The following OPRL1 variants were observed in gnomAD, a reference collection of about 807,000 sequenced individuals.
The protein encoded by OPRL1 is opioid related nociceptin receptor 1.
A neutral mutation model predicts 15.5 loss-of-function variants in OPRL1; 5 were observed. The ratio of observed to expected loss-of-function variants is 0.32; its 90% CI spans 0.17 to 0.68. The LOEUF (loss-of-function observed/expected upper bound fraction) is 0.68, where lower values mean the gene tolerates loss of function less well. OPRL1 is among the 30% of genes least tolerant of loss of function. The probability of loss-of-function intolerance (pLI) is 0.72; values close to 1 mark genes in which losing one functional copy is unlikely to be tolerated. For synonymous variants in OPRL1, 223 were observed against 230.2 expected, an observed-to-expected ratio of 0.97 and a Z score of 0.28; for missense variants, 406 against 515.3, an observed-to-expected ratio of 0.79 and a Z score of 2.05.
rs1359900501 is a variant in OPRL1 at position 64,083,832 on chromosome 20, A to G, written c.-185+3480A>G. On this transcript the variant is annotated intron_variant, in intron 1 of 4. Coordinates refer to ENST00000336866, the MANE Select transcript of OPRL1 (RefSeq NM_182647.4). This position sits in a 1 kb window ranked among gnomAD's most constrained non-coding sequence, Gnocchi z 4.9. ...CCTCGCCTCACCCGCATGCGGGTGT[A>G]GCGCAGCCGCAGGGCGCGGACTCGC... 24 of 1,386,012 alleles carry G rather than the reference A, an allele frequency of 1.7e-5. No individual in the cohort carries two copies. The highest frequency in any genetic ancestry group is 2.2e-5 in the Non-Finnish European group (24 of 1,076,854). 85.9% of individuals were successfully genotyped at this position (1,386,012 alleles called of 1,614,324 possible).
chr20:64,098,166 G>C lies in OPRL1; in HGVS notation c.589+9G>C. 1 of 1,610,646 alleles carries C rather than the reference G, an allele frequency of 6.2e-7. No homozygotes were observed. Among genetic ancestry groups the C allele is most frequent in the Non-Finnish European group, 8.5e-7 (1 of 1,177,988 alleles). ...ACAGGTCGAGGATGAAGGTCAGTGG[G>C]GTGTCCCCTCCTCCCCTCACCAGGC... On this transcript the variant is annotated intron_variant, in intron 4 of 4. Transcript: ENST00000336866.
In OPRL1 at chr20:64,083,358, CAA is replaced by C. The variant is rs2059989707; in HGVS notation, c.-185+3010_-185+3011del. ...CCCTCGGGGTCCTGGGGAGTGGCAG[CAA>C]AAAGACCAGCGAGCCTTCGGAGAAT... is the stretch of plus-strand genomic sequence containing the variant. On this transcript the variant is annotated intron_variant, in intron 1 of 4. Transcript: ENST00000336866. The surrounding 1 kb of genome is among the most constrained non-coding windows in gnomAD (Gnocchi z 4.9). 6.2e-7 allele frequency: 1 copy of C among 1,602,278 alleles called. No homozygotes were observed. Among genetic ancestry groups the C allele is most frequent in the East Asian group, 2.3e-5 (1 of 44,026 alleles).
At chr20:64,095,610 G>C (rs938977290) in intron 3 of OPRL1, among the ~76,000 whole-genome samples, 3 of 151,614 alleles carry the variant, frequency 2.0e-5, no homozygotes, top group Non-Finnish European at 4.4e-5. Context: ...GCAGTGGGGG[G>C]TTATGGGTGG....
rs1431749407 is a variant in OPRL1 at position 64,098,670 on chromosome 20, C to T, written c.984C>T (p.Ala328=). ...LYAFLDENFK[A]CFRKFCCASA... ...CCTTCCTGGATGAGAACTTCAAGGC[C>T]TGCTTCCGCAAGTTCTGCTGTGCAT... Residue 328 remains alanine, a synonymous_variant, in exon 5 of 5, where the codon GCC becomes GCT. Transcript: ENST00000336866. 1 of 1,612,814 alleles carries T rather than the reference C, an allele frequency of 6.2e-7. No homozygotes were observed. Among genetic ancestry groups the T allele is most frequent in the Non-Finnish European group, 8.5e-7 (1 of 1,179,990 alleles).
Position 64,090,115 on chromosome 20 carries a change from T to G in OPRL1, c.-184-1851T>G, listed in dbSNP as rs917065526. Among the ~76,000 whole-genome samples the G allele has an allele frequency of 1.3e-5, 2 of 152,204 alleles. No homozygotes were observed. The highest frequency in any genetic ancestry group is 2.9e-5 in the Non-Finnish European group (2 of 68,034). On this transcript the variant is annotated intron_variant, in intron 1 of 4. Coordinates refer to ENST00000336866, the MANE Select transcript of OPRL1 (RefSeq NM_182647.4). This position sits in a 1 kb window ranked among gnomAD's most constrained non-coding sequence, Gnocchi z 4.9. ...CTCTAGGTCTACCCATGTGCCTGCG[T>G]GCACGTTGGCGTCATCTTGCATGTG...
At chr20:64,088,712 A>AAG (rs2060083987) in intron 1 of OPRL1, among the ~76,000 whole-genome samples, 2 of 119,836 alleles carry the variant, frequency 1.7e-5, no homozygotes, top group African/African-American at 6.6e-5. Flanking sequence ...GGGTCTGTGC[A>AAG]GAGTGGCCAG....
chr20:64,082,663 G>T (rs965768307), intron 1 of OPRL1, among the ~76,000 whole-genome samples: 1 of 152,222 alleles, frequency 6.6e-6, no homozygotes, highest in African/African-American at 2.4e-5. Context: ...CGTCTGCAAA[G>T]AGCTCACGTC....
chr20:64,080,824 C>G (rs1335641040), intron 1 of OPRL1, among the ~76,000 whole-genome samples: 1 of 152,198 alleles, frequency 6.6e-6, no homozygotes, highest in Non-Finnish European at 1.5e-5. Flanking sequence ...CCGGATAGTT[C>G]CCAGTGTCGG....
Position 64,100,214 on chromosome 20 carries a change from G to A in OPRL1, c.*1415G>A, listed in dbSNP as rs1180732089. On this transcript the variant is annotated 3_prime_UTR_variant, in exon 5 of 5. Transcript: ENST00000336866. ...GCTGCAGGTTGGTGACTTTGCAAAT[G>A]CACTTCCTACAGATGAACTATTAAA... 1 of 152,204 alleles carries A rather than the reference G, an allele frequency of 6.6e-6. No individual in the cohort carries two copies. Among genetic ancestry groups the A allele is most frequent in the African/African-American group, 2.4e-5 (1 of 41,446 alleles). The allele number at this position is 152,204 out of a possible 1,614,324, so 9.4% of individuals were successfully genotyped here. A position where few individuals can be genotyped will look rare whatever the true frequency, so the allele number is the denominator to read the frequency against.
rs2059989206 is a variant in OPRL1, at chr20:64,083,314, G to A, written c.-185+2962G>A. 1.4e-6 allele frequency: 2 copies of A among 1,425,054 alleles called. No homozygotes were observed. The highest frequency in any genetic ancestry group is 1.2e-5 in the South Asian group (1 of 81,192). The allele number at this position is 1,425,054 out of a possible 1,614,324, so 88.3% of individuals were successfully genotyped here. A position where few individuals can be genotyped will look rare whatever the true frequency, so the allele number is the denominator to read the frequency against. ...GTCTGTGAGGTGCATGGGAGAGGCA[G>A]CGTCCATACTCCCCGCTTCCCTCGG... On this transcript the variant is annotated intron_variant, in intron 1 of 4. Coordinates refer to ENST00000336866, the MANE Select transcript of OPRL1 (RefSeq NM_182647.4). This position sits in a 1 kb window ranked among gnomAD's most constrained non-coding sequence, Gnocchi z 4.9.
At chr20:64,082,277 A>C in intron 1 of OPRL1, among the ~76,000 whole-genome samples, 1 of 151,372 alleles carries the variant, frequency 6.6e-6, no homozygotes, top group Non-Finnish European at 1.5e-5. Context: ...CCTTCCTGAA[A>C]CCCCTCCTGC....
chr20:64,082,620 G>A (rs942649555), intron 1 of OPRL1, among the ~76,000 whole-genome samples: 1 of 152,198 alleles, frequency 6.6e-6, no homozygotes, highest in Non-Finnish European at 1.5e-5. Flanking sequence ...CTGGGAGGGA[G>A]GAAAAGGAAG....
At chr20:64,088,125 G>T (rs1347391961) in intron 1 of OPRL1, among the ~76,000 whole-genome samples, 2 of 152,240 alleles carry the variant, frequency 1.3e-5, no homozygotes, top group Non-Finnish European at 2.9e-5. Context: ...GAGCTCACAG[G>T]CCTAGCCTGG....
chr20:64,093,047 G>GAAATCAACACC, intron 3 of OPRL1, 94 bp downstream of exon 3: 1 of 1,112,060 alleles, frequency 9.0e-7, no homozygotes, highest in Non-Finnish European at 1.3e-6. Context: ...GCCTGAGCAG[G>GAAATCAACACC]TGTTGATTTC....
At position 64,080,106 on chromosome 20, in the gene OPRL1, C is replaced by T. The variant is rs8126001; in HGVS notation, c.-431C>T. 69,989 of 150,226 alleles carry T rather than the reference C, an allele frequency of 0.47. 16,866 individuals carry two copies. The highest frequency in any genetic ancestry group is 0.67 in the East Asian group (3,407 of 5,090). 9.3% of individuals were successfully genotyped at this position (150,226 alleles called of 1,614,324 possible). A position where few individuals can be genotyped will look rare whatever the true frequency, so the allele number is the denominator to read the frequency against. On this transcript the variant is annotated 5_prime_UTR_variant, in exon 1 of 5. Coordinates refer to ENST00000336866, the MANE Select transcript of OPRL1 (RefSeq NM_182647.4). ...CACCCGCCCCGCCCGCGCGTCGGCCCCCACAGTCGCCTGGGGGTGGCCCGG... is the reference window on the plus strand; with the variant it reads ...CACCCGCCCCGCCCGCGCGTCGGCCTCCACAGTCGCCTGGGGGTGGCCCGG...
At position 64,092,913 on chromosome 20, in the gene OPRL1, GGGCTCCTGGGGAA is replaced by G. The variant is rs773698884; in HGVS notation, c.194_206del (p.Gly65AlafsTer14). ...GCTCTACCTGGCCGTGTGTGTCGGA[GGGCTCCTGGGGAA>G]CTGCCTTGTCATGTACGTCATCCTC... On this transcript the variant is annotated frameshift_variant, in exon 3 of 5. Transcript: ENST00000336866. LOFTEE classifies it high-confidence loss of function. The G allele has an allele frequency of 6.8e-6, 11 of 1,612,584 alleles. No homozygotes were observed.
chr20:64,096,755 C>A (rs1240099377), intron 3 of OPRL1, among the ~76,000 whole-genome samples: 1 of 151,708 alleles, frequency 6.6e-6, no homozygotes, highest in African/African-American at 2.4e-5. Context: ...ACCACTATCA[C>A]CACCACCAGC....
chr20:64,083,829 T>C lies in OPRL1; in HGVS notation c.-185+3477T>C. 1 of 1,383,886 alleles carries C rather than the reference T, an allele frequency of 7.2e-7. No individual in the cohort carries two copies. Among genetic ancestry groups the C allele is most frequent in the Non-Finnish European group, 9.3e-7 (1 of 1,075,998 alleles). 85.7% of individuals were successfully genotyped at this position (1,383,886 alleles called of 1,614,324 possible). On this transcript the variant is annotated intron_variant, in intron 1 of 4. Coordinates refer to ENST00000336866, the MANE Select transcript of OPRL1 (RefSeq NM_182647.4). This position sits in a 1 kb window ranked among gnomAD's most constrained non-coding sequence, Gnocchi z 4.9. Reference sequence around the variant, plus strand: ...CCCCCTCGCCTCACCCGCATGCGGGTGTAGCGCAGCCGCAGGGCGCGGACT... The same window carrying C: ...CCCCCTCGCCTCACCCGCATGCGGGCGTAGCGCAGCCGCAGGGCGCGGACT...
At chr20:64,095,139 T>TG (rs1978946964) in intron 3 of OPRL1, among the ~76,000 whole-genome samples, 1 of 7,026 alleles carries the variant, frequency 1.4e-4, no homozygotes. Flanking sequence ...GGAGATGGTG[T>TG]GGGGGGATAG....
Sources: gnomAD v4.1 joint callset for allele counts (sites outside exome capture counted in the v4.1 genomes callset) on GRCh38, gnomAD v4.1.1 for gene constraint, Gnocchi (gnomAD v3.1) non-coding constraint, MANE v1.5 for transcripts, NCBI Gene and HGNC (gene_info 2026-07-23, HGNC 2026-07-21) for gene names.